Variants in TBC1D5 observed in about 807,000 individuals in gnomAD.
TBC1D5 encodes TBC1 domain family member 5, also known as TBC1 domain family, member 5.
A neutral mutation model predicts 100.3 loss-of-function variants in TBC1D5; 75 were observed. That is an observed-to-expected ratio of 0.75 (90% CI 0.62 to 0.91). TBC1D5 has a LOEUF of 0.91. TBC1D5 is among the 40% of genes least tolerant of loss of function. The probability of loss-of-function intolerance (pLI) is 0.00; values close to 1 mark genes in which losing one functional copy is unlikely to be tolerated. For missense variants in TBC1D5, 910 were observed against 942.4 expected (o/e 0.97, Z 0.45); for synonymous variants, 323 against 325.6 (o/e 0.99, Z 0.09).
chr3:17,351,915 C>G (rs1463256207), intron 13 of TBC1D5, among the ~76,000 whole-genome samples: 1 of 149,744 alleles, frequency 6.7e-6, no homozygotes, highest in Non-Finnish European at 1.5e-5. Flanking sequence ...TTTCTCCTAC[C>G]CTTTTCTGAA....
intron 1 of TBC1D5, among the ~76,000 whole-genome samples, chr3:17,678,495 G>A (rs1310706231): frequency 6.6e-6 from 1 of 151,878 alleles, no homozygotes; most frequent in Admixed American, 6.6e-5. Flanking sequence ...CAAATTTTTG[G>A]AAAACAGATG....
intron 17 of TBC1D5, 65 bp from the exon 18 acceptor site, chr3:17,233,815 T>C: frequency 1.0e-6 from 1 of 981,114 alleles, no homozygotes; most frequent in Non-Finnish European, 1.6e-6. Context: ...CACTTTTCTT[T>C]TATACTGAAT....
chr3:17,683,211 T>C (rs1430292304), intron 1 of TBC1D5, among the ~76,000 whole-genome samples: 1 of 151,564 alleles, frequency 6.6e-6, no homozygotes, highest in African/African-American at 2.4e-5. Context: ...TGGTCATTTC[T>C]ATAAAAGCTC....
Position 17,348,970 on chromosome 3 carries a change from T to C in TBC1D5, c.995+23105A>G, listed in dbSNP as rs2090239040. ...GGAATTTAACTACAAATTCTATCAT[T>C]ACCTTGCAAAACGGGTAGAGAAAAA... On this transcript the variant is annotated intron_variant, in intron 13 of 21. Transcript: ENST00000253692. Among the ~76,000 whole-genome samples, 3 of 152,168 alleles carry C rather than the reference T, an allele frequency of 2.0e-5. 1 individual carries two copies. The South Asian group carries it at 6.2e-4, about 32-fold the overall frequency.
chr3:17,233,502 AG>A (rs1168465908), intron 17 of TBC1D5, among the ~76,000 whole-genome samples, 182 bp downstream of exon 18: 1 of 152,198 alleles, frequency 6.6e-6, no homozygotes, highest in Non-Finnish European at 1.5e-5. Context: ...GGCATCACCA[AG>A]GTATGACATG....
At chr3:17,419,822 T>C (rs1224362560) in intron 4 of TBC1D5, among the ~76,000 whole-genome samples, 1 of 152,118 alleles carries the variant, frequency 6.6e-6, no homozygotes, top group South Asian at 2.1e-4. Context: ...ACTAGAGGCA[T>C]GTGCCACCAT....
chr3:17,374,146 A>G (rs535544600), intron 12 of TBC1D5, among the ~76,000 whole-genome samples: 2 of 152,230 alleles, frequency 1.3e-5, no homozygotes, highest in East Asian at 3.9e-4. Context: ...GATTCTACCT[A>G]TGCACTTCAG....
intron 2 of TBC1D5, among the ~76,000 whole-genome samples, chr3:17,544,328 A>G (rs1160670525): frequency 6.6e-6 from 1 of 152,210 alleles, no homozygotes; most frequent in Non-Finnish European, 1.5e-5. Context: ...ATTATCAATA[A>G]TATTTAGATA....
At chr3:17,213,733 CAAAAAAAAAAAA>C (rs71632897) in intron 18 of TBC1D5, among the ~76,000 whole-genome samples, 1 of 61,050 alleles carries the variant, frequency 1.6e-5, no homozygotes, top group Non-Finnish European at 3.0e-5. Flanking sequence ...GACTCTGTCT[CAAAAAAAAAAAA>C]AAAAAAAAAA....
chr3:17,618,401 A>G (rs1271527266), intron 2 of TBC1D5, among the ~76,000 whole-genome samples: 1 of 152,204 alleles, frequency 6.6e-6, no homozygotes, highest in Non-Finnish European at 1.5e-5. Context: ...CAGAGCTTAA[A>G]TGCTGTGCTG....
intron 3 of TBC1D5, among the ~76,000 whole-genome samples, chr3:17,472,806 A>G (rs2095393870): frequency 6.6e-6 from 1 of 152,248 alleles, no homozygotes; most frequent in African/African-American, 2.4e-5. Flanking sequence ...TTAAAAACAT[A>G]TATTTCTACA....
intron 18 of TBC1D5, among the ~76,000 whole-genome samples, chr3:17,209,106 C>T (rs2072617846): frequency 2.0e-5 from 3 of 152,152 alleles, no homozygotes; most frequent in African/African-American, 7.2e-5. Context: ...AATTCTTTTA[C>T]CCATTTTGTT....
At chr3:17,349,200 A>G (rs1014188231) in intron 13 of TBC1D5, among the ~76,000 whole-genome samples, 1 of 152,282 alleles carries the variant, frequency 6.6e-6, no homozygotes, top group East Asian at 1.9e-4. Context: ...CTATCAGTAT[A>G]TATCAGTGGT....
Position 17,568,800 on chromosome 3 carries a change from G to C in TBC1D5, c.-36+55049C>G, listed in dbSNP as rs182301132. 6.5e-3 allele frequency among the ~76,000 whole-genome samples: 981 copies of C among 150,556 alleles called. 1 individual carries two copies. Among genetic ancestry groups the C allele is most frequent in the Admixed American group, 0.011 (165 of 15,104 alleles). ...AATATTTCCTTTTATCTCTTCTTTC[G>C]ATCTTAAAATTGCCCAAGTTTTACT... On this transcript the variant is annotated intron_variant, in intron 2 of 21. Coordinates refer to ENST00000253692, the Ensembl canonical transcript of TBC1D5.
chr3:17,287,545 A>T (rs2081297362), intron 15 of TBC1D5, among the ~76,000 whole-genome samples: 2 of 152,196 alleles, frequency 1.3e-5, no homozygotes, highest in African/African-American at 4.8e-5. Context: ...GACCTTGGGA[A>T]AGCCACATAA....
chr3:17,221,192 T>C (rs975843491), intron 17 of TBC1D5, among the ~76,000 whole-genome samples: 1 of 118,412 alleles, frequency 8.4e-6, no homozygotes, highest in African/African-American at 3.8e-5. Context: ...AGAAGAGACT[T>C]TGCAGGTGTG....
chr3:17,159,731 T>G (rs2065879742), exon 22 of TBC1D5: 1 of 152,326 alleles, frequency 6.6e-6, no homozygotes, highest in Non-Finnish European at 1.5e-5. Flanking sequence ...GGCACTGGCA[T>G]GTCAGACCCG....
intron 2 of TBC1D5, among the ~76,000 whole-genome samples, chr3:17,622,269 T>C (rs1019262886): frequency 2.0e-5 from 3 of 152,140 alleles, no homozygotes. Context: ...CATTCACCTC[T>C]TGCTGTGTGG....
intron 18 of TBC1D5, among the ~76,000 whole-genome samples, chr3:17,201,480 G>GAGA (rs2125811223): frequency 6.6e-6 from 1 of 152,160 alleles, no homozygotes; most frequent in East Asian, 1.9e-4. Flanking sequence ...ATCAGGAAAA[G>GAGA]AGAGGAAGCT....
Sources: allele counts gnomAD v4.1 joint callset (sites outside exome capture counted in the v4.1 genomes callset), GRCh38; gene constraint gnomAD v4.1.1; transcripts MANE v1.5; gene names NCBI Gene and HGNC (gene_info 2026-07-23, HGNC 2026-07-21).